EML1: variants seen among roughly 807,000 people sequenced by gnomAD.
EML1 encodes EMAP like 1.
Under a neutral mutation model 110.4 loss-of-function variants are expected in EML1, and 27 were observed. That is an observed-to-expected ratio of 0.24 (90% CI 0.18 to 0.34). The LOEUF (loss-of-function observed/expected upper bound fraction) is 0.34, where lower values mean the gene tolerates loss of function less well. EML1 is among the 10% of genes least tolerant of loss of function. The pLI is 1.00. For missense variants in EML1, 741 were observed against 1,030.9 expected, an observed-to-expected ratio of 0.72 and a Z score of 3.85; for synonymous variants, 344 against 385.8, an observed-to-expected ratio of 0.89 and a Z score of 1.27.
intron 1 of EML1, among the ~76,000 whole-genome samples, chr14:99,762,765 A>G (rs1457710815): frequency 6.6e-6 from 1 of 152,202 alleles, no homozygotes; most frequent in Non-Finnish European, 1.5e-5. Flanking sequence ...CAGTCACTGC[A>G]CTTCGCCCTA....
intron 1 of EML1, among the ~76,000 whole-genome samples, chr14:99,831,348 G>T (rs1402438123): frequency 2.0e-5 from 3 of 152,194 alleles, no homozygotes; most frequent in Non-Finnish European, 4.4e-5. Context: ...AGAGCCAGGG[G>T]AGAGTGCAGC....
chr14:99,813,934 C>G (rs895753450), intron 1 of EML1, among the ~76,000 whole-genome samples: 1 of 152,120 alleles, frequency 6.6e-6, no homozygotes, highest in African/African-American at 2.4e-5. Context: ...GTCAGCTGCC[C>G]GGAGCACACT....
At chr14:99,788,062 C>T (rs1255046861) in intron 1 of EML1, among the ~76,000 whole-genome samples, 1 of 152,088 alleles carries the variant, frequency 6.6e-6, no homozygotes. Context: ...GTCCAAGGCC[C>T]GCTGCAAGCA....
At chr14:99,758,007 G>A (rs1434834426) in intron 1 of EML1, among the ~76,000 whole-genome samples, 2 of 152,168 alleles carry the variant, frequency 1.3e-5, no homozygotes, top group Non-Finnish European at 2.9e-5. Context: ...ATGGTGCCTG[G>A]CATATGGCAG....
chr14:99,769,881 G>C (rs899633739), upstream of EML1, among the ~76,000 whole-genome samples: 4 of 152,166 alleles, frequency 2.6e-5, no homozygotes, highest in Non-Finnish European at 4.4e-5. Context: ...GAATAGAAAT[G>C]GGTTCTGCTG....
chr14:99,805,052 T>G (rs747762652), intron 1 of EML1, among the ~76,000 whole-genome samples: 1 of 152,142 alleles, frequency 6.6e-6, no homozygotes, highest in Admixed American at 6.5e-5. Flanking sequence ...TACCCCTTCT[T>G]CACGGAGCCG....
intron 1 of EML1, among the ~76,000 whole-genome samples, chr14:99,821,989 G>T (rs541043651): frequency 2.0e-5 from 3 of 152,224 alleles, no homozygotes; most frequent in Non-Finnish European, 4.4e-5. Flanking sequence ...ATGCTGCCAC[G>T]TGGCTGTGGA....
chr14:99,744,454 C>A (rs77365812), intron 1 of EML1, among the ~76,000 whole-genome samples: 1,556 of 152,254 alleles, frequency 0.01, 26 homozygotes, highest in African/African-American at 0.031. Flanking sequence ...CATGGGCACA[C>A]CAAATGGCCA....
Position 99,909,246 on chromosome 14 carries a change from T to C in EML1, c.1105-99T>C, listed in dbSNP as rs150362199. 2.5e-4 allele frequency: 385 copies of C among 1,568,588 alleles called. 1 individual carries two copies. In the East Asian group the frequency reaches 7.4e-3, roughly 30 times the overall value. ...TAATAGGCATTGTGCTTGCCTTGAA[T>C]TTCTTATTTATTTGTGGCTCACATT... On this transcript the variant is annotated intron_variant, in intron 10 of 21. Coordinates refer to ENST00000262233, the MANE Select transcript of EML1 (RefSeq NM_004434.3).
At chr14:99,740,829 G>T (rs1490055254) in intron 1 of EML1, among the ~76,000 whole-genome samples, 2 of 152,164 alleles carry the variant, frequency 1.3e-5, no homozygotes, top group African/African-American at 4.8e-5. Context: ...CACCTGCCTG[G>T]CATAGATGGG....
intron 15 of EML1, among the ~76,000 whole-genome samples, chr14:99,915,819 G>A (rs1195344261): frequency 1.3e-5 from 2 of 152,190 alleles, no homozygotes; most frequent in Admixed American, 6.5e-5. Context: ...TTGCACAGAG[G>A]AAATAGCCCT....
chr14:99,857,935 C>T (rs1043844639), intron 2 of EML1, among the ~76,000 whole-genome samples: 1 of 152,062 alleles, frequency 6.6e-6, no homozygotes, highest in Non-Finnish European at 1.5e-5. Flanking sequence ...ACTCCTAGAC[C>T]CATGCCTAAG....
chr14:99,860,549 G>A lies in EML1; in HGVS notation c.251-4965G>A, dbSNP rs528422118. On this transcript the variant is annotated intron_variant, in intron 2 of 21. Transcript: ENST00000262233. ...TTCCACCAGGTTTTCTTACCGCAGCGAGCTTTCTTCCTTGAGTGGCTAATA... is the reference window on the plus strand; with the variant it reads ...TTCCACCAGGTTTTCTTACCGCAGCAAGCTTTCTTCCTTGAGTGGCTAATA... 4.6e-5 allele frequency among the ~76,000 whole-genome samples: 7 copies of A among 152,244 alleles called. No individual in the cohort carries two copies. In the East Asian group the frequency reaches 5.8e-4, roughly 13 times the overall value.
At chr14:99,888,144 A>G (rs1191275473) in intron 4 of EML1, among the ~76,000 whole-genome samples, 1 of 152,242 alleles carries the variant, frequency 6.6e-6, no homozygotes, top group Non-Finnish European at 1.5e-5. Context: ...AAAGAAATGT[A>G]AGCATTTTAG....
Position 99,892,528 on chromosome 14 carries a change from C to T in EML1, c.547+1301C>T, listed in dbSNP as rs537663099. 5.9e-5 allele frequency among the ~76,000 whole-genome samples: 9 copies of T among 152,248 alleles called. No individual in the cohort carries two copies. In the South Asian group the frequency reaches 1.2e-3, roughly 21 times the overall value. ...ACTGCTGCTGGCCTCTTCCCACTAG[C>T]GCCTTTGGGTTTGGTGGCGTGTGTG... On this transcript the variant is annotated intron_variant, in intron 5 of 21. Coordinates refer to ENST00000262233, the MANE Select transcript of EML1 (RefSeq NM_004434.3).
At chr14:99,739,085 T>TGTGC (rs2057006116) in intron 1 of EML1, among the ~76,000 whole-genome samples, 1 of 126,476 alleles carries the variant, frequency 7.9e-6, no homozygotes, top group South Asian at 2.5e-4. Context: ...TGTGTGTGTG[T>TGTGC]GTGTGTGAGA....
intron 3 of EML1, among the ~76,000 whole-genome samples, chr14:99,878,149 A>G (rs1165329896): frequency 2.2e-5 from 3 of 137,610 alleles, no homozygotes; most frequent in Non-Finnish European, 5.0e-5. Context: ...CAGGGAAACC[A>G]AAAGATTGGA....
At chr14:99,929,627 A>G (rs184200931) in intron 17 of EML1, among the ~76,000 whole-genome samples, 1 of 152,350 alleles carries the variant, frequency 6.6e-6, no homozygotes, top group Non-Finnish European at 1.5e-5. Context: ...TGGTTACACA[A>G]GATTTTTCCA....
intron 1 of EML1, among the ~76,000 whole-genome samples, chr14:99,742,768 C>T (rs1348917674): frequency 6.6e-6 from 1 of 152,136 alleles, no homozygotes; most frequent in Non-Finnish European, 1.5e-5. Context: ...AGGTCCCTCT[C>T]CTCTCCGAGC....
Sources: allele counts gnomAD v4.1 joint callset (sites outside exome capture counted in the v4.1 genomes callset), GRCh38; gene constraint gnomAD v4.1.1; transcripts MANE v1.5; gene names NCBI Gene and HGNC (gene_info 2026-07-23, HGNC 2026-07-21).